The following PRKCQ variants were observed in gnomAD, a reference collection of about 807,000 sequenced individuals.
PRKCQ encodes the protein protein kinase C theta type.
Under a neutral mutation model 91.2 loss-of-function variants are expected in PRKCQ, and 41 were observed. That is an observed-to-expected ratio of 0.45 (90% confidence interval 0.35 to 0.58). The LOEUF is 0.58. Ranked by LOEUF, PRKCQ falls within the 20% of genes least tolerant of loss-of-function variation. PRKCQ has a pLI of 0.00. For missense variants in PRKCQ, 673 were observed against 896.5 expected (o/e 0.75, Z 3.18); for synonymous variants, 307 against 316.9 (o/e 0.97, Z 0.33).
intron 3 of PRKCQ, among the ~76,000 whole-genome samples, chr10:6,509,165 G>A (rs1327645535): frequency 6.6e-6 from 1 of 152,126 alleles, no homozygotes; most frequent in East Asian, 1.9e-4. Flanking sequence ...GCCACCATGT[G>A]CTTATGTCTA....
At chr10:6,406,113 G>C in the PRKCQ span, among the ~76,000 whole-genome samples, 1 of 152,150 alleles carries the variant, frequency 6.6e-6, no homozygotes, top group South Asian at 2.1e-4. Context: ...ATGCCCTTTG[G>C]AATTGAGATT....
At chr10:6,410,699 C>T in the PRKCQ span, among the ~76,000 whole-genome samples, 3 of 152,150 alleles carry the variant, frequency 2.0e-5, no homozygotes, top group Non-Finnish European at 4.4e-5. Flanking sequence ...ATAGTCTTGT[C>T]TGGCAGGGTG....
chr10:6,554,801 T>C (rs1840343976), intron 1 of PRKCQ, among the ~76,000 whole-genome samples: 1 of 152,072 alleles, frequency 6.6e-6, no homozygotes, highest in Non-Finnish European at 1.5e-5. Flanking sequence ...TGGGTATATA[T>C]CCAAAAGAAA....
the PRKCQ span, among the ~76,000 whole-genome samples, chr10:6,402,371 C>CAAAAA: frequency 2.1e-4 from 14 of 66,540 alleles, 1 homozygote; most frequent in African/African-American, 4.2e-4. Flanking sequence ...ATTTCAATGC[C>CAAAAA]AAAAAAAAAA....
chr10:6,483,750 G>T, intron 10 of PRKCQ, 150 bp from the exon 11 acceptor site: 1 of 870,094 alleles, frequency 1.1e-6, no homozygotes, highest in Non-Finnish European at 1.7e-6. Context: ...AGTTCAGGCA[G>T]CTTTAATACC....
At chr10:6,559,451 T>G (rs1840540021) in intron 1 of PRKCQ, among the ~76,000 whole-genome samples, 1 of 152,132 alleles carries the variant, frequency 6.6e-6, no homozygotes, top group African/African-American at 2.4e-5. Context: ...TTCCACCTCC[T>G]GGGTTCAAGA....
downstream of PRKCQ, among the ~76,000 whole-genome samples, chr10:6,426,588 G>T (rs1334494603): frequency 2.6e-5 from 4 of 152,074 alleles, no homozygotes; most frequent in Admixed American, 6.5e-5. Context: ...CTTAAATGAG[G>T]TTACTCGTGT....
At chr10:6,441,812 G>A (rs1181250228) in intron 16 of PRKCQ, 81 bp downstream of exon 16, 2 of 1,395,280 alleles carry the variant, frequency 1.4e-6, no homozygotes, top group Non-Finnish European at 1.9e-6. Context: ...CCACATGCAA[G>A]TTGGAAACTA....
intron 7 of PRKCQ, among the ~76,000 whole-genome samples, chr10:6,492,766 G>C (rs647934): frequency 0.93 from 141,586 of 152,306 alleles, 65,857 homozygotes; most frequent in East Asian, 1. Context: ...GTAAGAATGT[G>C]AATATTCTTG....
intron 14 of PRKCQ, among the ~76,000 whole-genome samples, chr10:6,461,830 A>C (rs1835367766): frequency 6.6e-6 from 1 of 152,176 alleles, no homozygotes; most frequent in Non-Finnish European, 1.5e-5. Context: ...TTGAGAAAAG[A>C]AGTGAGGAGA....
intron 15 of PRKCQ, among the ~76,000 whole-genome samples, chr10:6,449,962 C>T (rs546648674): frequency 2.6e-5 from 4 of 152,062 alleles, no homozygotes; most frequent in Non-Finnish European, 5.9e-5. Flanking sequence ...ACAACTGGTA[C>T]CAGCTGCTGC....
intron 14 of PRKCQ, among the ~76,000 whole-genome samples, chr10:6,461,446 TA>T (rs1279525648): frequency 1.3e-5 from 2 of 152,212 alleles, no homozygotes; most frequent in South Asian, 2.1e-4. Context: ...TCCTGAAGAT[TA>T]AAAAATTATA....
the PRKCQ span, among the ~76,000 whole-genome samples, chr10:6,413,304 C>T: frequency 8.8e-6 from 1 of 113,056 alleles, no homozygotes; most frequent in Non-Finnish European, 1.9e-5. Flanking sequence ...GTTAGGCTTA[C>T]TTTAAACAGC....
At chr10:6,541,335 C>A (rs181719051) in intron 1 of PRKCQ, among the ~76,000 whole-genome samples, 1 of 152,242 alleles carries the variant, frequency 6.6e-6, no homozygotes, top group East Asian at 1.9e-4. Flanking sequence ...CTGCATTCTA[C>A]TGACCCTTTG....
intron 1 of PRKCQ, among the ~76,000 whole-genome samples, chr10:6,552,233 A>G (rs1247736613): frequency 1.3e-5 from 2 of 152,202 alleles, no homozygotes; most frequent in Non-Finnish European, 2.9e-5. Context: ...TTTCAGATAT[A>G]CACAAATATA....
chr10:6,428,582 T>G (rs1473176312), intron 17 of PRKCQ, among the ~76,000 whole-genome samples: 1 of 152,118 alleles, frequency 6.6e-6, no homozygotes, highest in Non-Finnish European at 1.5e-5. Context: ...ATTCATAAAT[T>G]CACAGAAAGA....
intron 4 of PRKCQ, 46 bp from the exon 5 acceptor site, chr10:6,498,604 G>T: frequency 6.3e-7 from 1 of 1,588,766 alleles, no homozygotes; most frequent in Middle Eastern, 1.7e-4. Flanking sequence ...GCAAAAGGAC[G>T]ACTCCTATTC....
chr10:6,569,642 G>GAGTGT, intron 1 of PRKCQ, among the ~76,000 whole-genome samples: 1 of 152,134 alleles, frequency 6.6e-6, no homozygotes, highest in Admixed American at 6.5e-5. Flanking sequence ...AGAGGTGGTG[G>GAGTGT]GAGTGTGACA....
intron 1 of PRKCQ, among the ~76,000 whole-genome samples, chr10:6,544,023 T>C (rs1839864747): frequency 6.6e-6 from 1 of 152,184 alleles, no homozygotes; most frequent in Admixed American, 6.5e-5. Flanking sequence ...CAGGCTACCA[T>C]GGCCATTTTC....
Sources: allele counts gnomAD v4.1 joint callset (sites outside exome capture counted in the v4.1 genomes callset), GRCh38; gene constraint gnomAD v4.1.1; transcripts MANE v1.5; gene names NCBI Gene and HGNC (gene_info 2026-07-23, HGNC 2026-07-21).